Variants in KDM4C observed in about 807,000 individuals in gnomAD.
The protein encoded by KDM4C is lysine-specific demethylase 4C.
Under a neutral mutation model 129.3 loss-of-function variants are expected in KDM4C, and 81 were observed. The ratio of observed to expected loss-of-function variants is 0.63; its 90% confidence interval spans 0.52 to 0.75. KDM4C has a LOEUF of 0.75. Ranked by LOEUF, KDM4C falls within the 30% of genes least tolerant of loss-of-function variation. The pLI, the probability that KDM4C is intolerant of heterozygous loss-of-function variation, is 0.00. For missense variants in KDM4C, 1,457 were observed against 1,304.0 expected (o/e 1.12, Z -1.81); for synonymous variants, 573 against 456.1 (o/e 1.26, Z -3.26).
At chr9:7,095,383 A>G (rs1836302487) in intron 17 of KDM4C, among the ~76,000 whole-genome samples, 1 of 152,190 alleles carries the variant, frequency 6.6e-6, no homozygotes, top group Non-Finnish European at 1.5e-5. Flanking sequence ...TTTTTGATTT[A>G]TCCTGTTGTT....
intron 21 of KDM4C, chr9:7,170,157 T>C: frequency 1.5e-6 from 2 of 1,332,910 alleles, no homozygotes; most frequent in Non-Finnish European, 2.0e-6. Context: ...CAAAAATACT[T>C]ACTGAATGTG....
At chr9:6,803,414 G>A (rs1829368355) in intron 2 of KDM4C, among the ~76,000 whole-genome samples, 1 of 151,744 alleles carries the variant, frequency 6.6e-6, no homozygotes, top group Non-Finnish European at 1.5e-5. Context: ...TATTAAAAAT[G>A]CAAAAATTAG....
rs530282589 is a variant in KDM4C, at chr9:6,796,418, G to T, written c.144+3286G>T. Among the ~76,000 whole-genome samples the T allele has an allele frequency of 3.3e-5, 5 of 152,216 alleles. No individual in the cohort carries two copies. In the South Asian group the frequency reaches 1.0e-3, roughly 32 times the overall value. Reference sequence around the variant, plus strand: ...GGATAACCATCTCTTCTCTTCTCTGGGCTCTGAATGCAGCCCTTTGTCCTG... The same window carrying T: ...GGATAACCATCTCTTCTCTTCTCTGTGCTCTGAATGCAGCCCTTTGTCCTG... On this transcript the variant is annotated intron_variant, in intron 2 of 21. Coordinates refer to ENST00000381309, the MANE Select transcript of KDM4C (RefSeq NM_015061.6).
At chr9:6,908,546 C>A (rs1818731113) in intron 8 of KDM4C, among the ~76,000 whole-genome samples, 1 of 152,004 alleles carries the variant, frequency 6.6e-6, no homozygotes, top group Admixed American at 6.5e-5. Flanking sequence ...CCAACATGCT[C>A]CATTTAGCCA....
intron 15 of KDM4C, among the ~76,000 whole-genome samples, chr9:7,039,448 T>C (rs1828191855): frequency 6.6e-6 from 1 of 151,976 alleles, no homozygotes. Context: ...CTCTTTTTTA[T>C]ATTTTTAATA....
intron 17 of KDM4C, among the ~76,000 whole-genome samples, chr9:7,081,655 C>T (rs1163732638): frequency 2.0e-5 from 3 of 152,192 alleles, no homozygotes; most frequent in Admixed American, 1.3e-4. Flanking sequence ...ACATTAAACA[C>T]CTCACGAGCC....
At chr9:7,075,689 T>C (rs1564084880) in intron 17 of KDM4C, among the ~76,000 whole-genome samples, 1 of 152,164 alleles carries the variant, frequency 6.6e-6, no homozygotes. Flanking sequence ...ACCTCTTTTC[T>C]TTATAAACTA....
chr9:7,100,254 T>G (rs1416809802), intron 17 of KDM4C, among the ~76,000 whole-genome samples: 2 of 152,198 alleles, frequency 1.3e-5, no homozygotes, highest in Admixed American at 6.5e-5. Flanking sequence ...GAATTGTCAG[T>G]GTCTCAGTAG....
chr9:6,877,442 T>C (rs10123135), intron 5 of KDM4C, among the ~76,000 whole-genome samples: 85,119 of 151,910 alleles, frequency 0.56, 24,388 homozygotes, highest in African/African-American at 0.69. Flanking sequence ...CCTCATGATC[T>C]GCCCGCCTCG....
chr9:7,147,475 C>CT (rs1329368850), intron 19 of KDM4C, among the ~76,000 whole-genome samples: 1 of 152,222 alleles, frequency 6.6e-6, no homozygotes, highest in Non-Finnish European at 1.5e-5. Flanking sequence ...CCAAGCCTGT[C>CT]TTTCTCCATT....
intron 4 of KDM4C, among the ~76,000 whole-genome samples, chr9:6,825,700 A>T (rs141957057): frequency 6.6e-6 from 1 of 152,234 alleles, no homozygotes; most frequent in Non-Finnish European, 1.5e-5. Context: ...TTTTTCTTCA[A>T]TATTAATTTG....
intron 1 of KDM4C, among the ~76,000 whole-genome samples, chr9:6,776,281 T>C (rs1823016148): frequency 6.6e-6 from 1 of 152,062 alleles, no homozygotes. Context: ...CTTTCCTTTT[T>C]TGAGATGGAG....
intron 2 of KDM4C, among the ~76,000 whole-genome samples, chr9:6,793,854 A>G (rs1394963277): frequency 6.6e-6 from 1 of 151,926 alleles, no homozygotes; most frequent in Non-Finnish European, 1.5e-5. Context: ...CTTTTTTTTT[A>G]TATAACACTT....
intron 6 of KDM4C, among the ~76,000 whole-genome samples, chr9:6,881,892 A>G (rs777028804): frequency 6.6e-6 from 1 of 152,234 alleles, no homozygotes; most frequent in Non-Finnish European, 1.5e-5. Flanking sequence ...AGTGCGAATG[A>G]TGGAGCATTT....
intron 17 of KDM4C, among the ~76,000 whole-genome samples, chr9:7,071,093 A>G (rs1833130798): frequency 1.3e-5 from 2 of 152,220 alleles, no homozygotes; most frequent in South Asian, 2.1e-4. Context: ...AAATGCGTAG[A>G]TATAACATGA....
At chr9:6,972,497 G>T (rs1832170384) in intron 8 of KDM4C, among the ~76,000 whole-genome samples, 2 of 152,044 alleles carry the variant, frequency 1.3e-5, no homozygotes, top group Non-Finnish European at 2.9e-5. Flanking sequence ...AATTAAGTTG[G>T]TGTATTAATT....
intron 19 of KDM4C, among the ~76,000 whole-genome samples, chr9:7,161,094 G>A (rs957859972): frequency 3.3e-5 from 5 of 152,152 alleles, no homozygotes; most frequent in East Asian, 1.9e-4. Context: ...AGACTGCTGC[G>A]CTAGCAGTGA....
chr9:6,795,823 C>T (rs1056780710), intron 2 of KDM4C, among the ~76,000 whole-genome samples: 13 of 151,976 alleles, frequency 8.6e-5, no homozygotes, highest in African/African-American at 2.9e-4. Flanking sequence ...AGGTATGCAG[C>T]ACCATGCCTG....
intron 8 of KDM4C, among the ~76,000 whole-genome samples, chr9:6,934,595 C>G (rs1824389996): frequency 6.6e-6 from 1 of 151,546 alleles, no homozygotes; most frequent in African/African-American, 2.4e-5. Context: ...TCCTGAGTAG[C>G]TAGGACTACA....
Sources: allele counts gnomAD v4.1 joint callset (sites outside exome capture counted in the v4.1 genomes callset), GRCh38; gene constraint gnomAD v4.1.1; transcripts MANE v1.5; gene names NCBI Gene and HGNC (gene_info 2026-07-23, HGNC 2026-07-21).